The following SLC25A24 variants were observed in gnomAD, a reference collection of about 807,000 sequenced individuals.
The protein encoded by SLC25A24 is solute carrier family 25 member 24.
SLC25A24 carries 49 observed loss-of-function variants against 60.7 expected under a neutral mutation model. That is an observed-to-expected ratio of 0.81 (90% CI 0.64 to 1.02). The LOEUF (loss-of-function observed/expected upper bound fraction) is 1.02. Among genes scored for constraint, SLC25A24 ranks in the 50% least tolerant of loss-of-function variants. SLC25A24 has a pLI of 0.00. For missense variants in SLC25A24, 564 were observed against 586.3 expected, an observed-to-expected ratio of 0.96 and a Z score of 0.39; for synonymous variants, 202 against 200.6, an observed-to-expected ratio of 1.01 and a Z score of -0.06.
chr1:108,145,628 T>G (rs1312666163), intron 7 of SLC25A24, among the ~76,000 whole-genome samples: 1 of 152,194 alleles, frequency 6.6e-6, no homozygotes, highest in Non-Finnish European at 1.5e-5. Context: ...GTTTTCTGCA[T>G]ATGGCTAGCC....
In SLC25A24 at chr1:108,160,257, G is replaced by T. The variant is rs555958206; in HGVS notation, c.510+925C>A. On this transcript the variant is annotated intron_variant, in intron 4 of 9. Coordinates refer to ENST00000565488, the MANE Select transcript of SLC25A24 (RefSeq NM_013386.5). ...CCAGACGGGGCGGCGGGGCAGAGGCGCTCCCCACATCTCAGACGATGGGCG... is the reference window on the plus strand; with the variant it reads ...CCAGACGGGGCGGCGGGGCAGAGGCTCTCCCCACATCTCAGACGATGGGCG... 5.9e-3 allele frequency among the ~76,000 whole-genome samples: 895 copies of T among 150,814 alleles called. 2 individuals are homozygous for T. Among genetic ancestry groups the T allele is most frequent in the Non-Finnish European group, 8.1e-3 (551 of 67,668 alleles).
rs747468683 is a variant in SLC25A24, at chr1:108,139,042, G to A, written c.1249+16C>T. 17 of 1,560,246 alleles carry A rather than the reference G, an allele frequency of 1.1e-5. No homozygotes were observed. The highest frequency in any genetic ancestry group is 1.5e-5 in the Non-Finnish European group (17 of 1,154,298). On this transcript the variant is annotated intron_variant, in intron 9 of 9. Transcript: ENST00000565488. ...GCAGCACTTTTATCGGTGTGGTTCT[G>A]TAATCAAAAATTCACCTTGAGCCTG...
intron 3 of SLC25A24, among the ~76,000 whole-genome samples, chr1:108,172,620 A>G (rs1033904138): frequency 6.6e-6 from 1 of 152,248 alleles, no homozygotes; most frequent in East Asian, 1.9e-4. Context: ...TGACCCAAGT[A>G]GTCCCTACTT....
Position 108,185,967 on chromosome 1 carries a change from AT to A in SLC25A24, c.184-14del. ...TAGTAAAAATTTTCTATAAAAAAAAATTAGAGAGAAGTTATTGCCAATATGG... is the reference window on the plus strand; with the variant it reads ...TAGTAAAAATTTTCTATAAAAAAAAATAGAGAGAAGTTATTGCCAATATGG... On this transcript the variant is annotated splice_polypyrimidine_tract_variant and intron_variant, in intron 1 of 9. Coordinates refer to ENST00000565488, the MANE Select transcript of SLC25A24 (RefSeq NM_013386.5). 1 of 1,554,882 alleles carries A rather than the reference AT, an allele frequency of 6.4e-7. No homozygotes were observed. The highest frequency in any genetic ancestry group is 8.7e-7 in the Non-Finnish European group (1 of 1,146,324).
intron 1 of SLC25A24, among the ~76,000 whole-genome samples, chr1:108,196,667 A>G (rs889027440): frequency 1.3e-5 from 2 of 152,084 alleles, no homozygotes; most frequent in African/African-American, 4.8e-5. Context: ...GTGCTAGGAG[A>G]TTTACTGTCT....
chr1:108,165,361 T>A (rs1402956554), intron 3 of SLC25A24, among the ~76,000 whole-genome samples: 1 of 152,170 alleles, frequency 6.6e-6, no homozygotes, highest in Admixed American at 6.5e-5. Context: ...TGACTTTCTG[T>A]CTCATTGGTC....
At chr1:108,184,935 T>C (rs1648064848) in intron 2 of SLC25A24, among the ~76,000 whole-genome samples, 1 of 152,206 alleles carries the variant, frequency 6.6e-6, no homozygotes, top group Non-Finnish European at 1.5e-5. Flanking sequence ...TGCATTATAA[T>C]TTTTATAAAT....
intron 3 of SLC25A24, among the ~76,000 whole-genome samples, chr1:108,176,322 C>T (rs1307533396): frequency 6.6e-6 from 1 of 151,488 alleles, no homozygotes; most frequent in Admixed American, 6.6e-5. Context: ...TTTGAAAATA[C>T]ACAGAGGAGA....
chr1:108,136,626 T>C lies in SLC25A24; in HGVS notation c.*27A>G, dbSNP rs762097430. On this transcript the variant is annotated 3_prime_UTR_variant, in exon 10 of 10. Transcript: ENST00000565488. ...TCCAGAGATTGTTGAAAGTTTCAAT[T>C]ATCAGGCTAAAGCAAAAAATGCAAC... 6.3e-7 allele frequency: 1 copy of C among 1,590,830 alleles called. No homozygotes were observed. The highest frequency in any genetic ancestry group is 8.6e-7 in the Non-Finnish European group (1 of 1,162,412).
At chr1:108,167,399 G>A (rs1208446223) in intron 3 of SLC25A24, among the ~76,000 whole-genome samples, 212 of 151,700 alleles carry the variant, frequency 1.4e-3, no homozygotes, top group African/African-American at 2.7e-3. Flanking sequence ...CCTCGCTGCC[G>A]CCTTGCAGTT....
chr1:108,152,434 C>G (rs960254941), intron 6 of SLC25A24, among the ~76,000 whole-genome samples: 2 of 151,942 alleles, frequency 1.3e-5, no homozygotes, highest in Non-Finnish European at 2.9e-5. Context: ...TGGTGTGATC[C>G]CAGCTCACTG....
Sources: gnomAD v4.1 joint callset for allele counts (sites outside exome capture counted in the v4.1 genomes callset) on GRCh38, gnomAD v4.1.1 for gene constraint, MANE v1.5 for transcripts, NCBI Gene and HGNC (gene_info 2026-07-23, HGNC 2026-07-21) for gene names.